The following PTPRS variants were observed in gnomAD, a reference collection of about 807,000 sequenced individuals.
PTPRS encodes protein tyrosine phosphatase receptor type S.
PTPRS carries 63 observed loss-of-function variants against 215.3 expected under a neutral mutation model. That is an observed-to-expected ratio of 0.29 (90% CI 0.24 to 0.36). PTPRS has a LOEUF of 0.36. Among genes scored for constraint, PTPRS ranks in the 10% least tolerant of loss-of-function variants. The pLI, the probability that PTPRS is intolerant of heterozygous loss-of-function variation, is 1.00. For synonymous variants in PTPRS, 1,404 were observed against 1,191.4 expected (o/e 1.18, Z -3.68); for missense variants, 2,258 against 2,825.8 (o/e 0.80, Z 4.56).
intron 13 of PTPRS, among the ~76,000 whole-genome samples, chr19:5,233,977 A>AAAAAAAAAAAAAAAC (rs2038800597): frequency 7.6e-6 from 1 of 132,396 alleles, no homozygotes; most frequent in East Asian, 3.8e-4. Context: ...AAAAAAAAAA[A>AAAAAAAAAAAAAAAC]TCTATATGTC....
intron 12 of PTPRS, among the ~76,000 whole-genome samples, chr19:5,239,890 C>T (rs1268832636): frequency 6.6e-6 from 1 of 151,902 alleles, no homozygotes; most frequent in East Asian, 1.9e-4. Context: ...GGAGAGTGAG[C>T]GTCAGAGGCA....
intron 2 of PTPRS, among the ~76,000 whole-genome samples, chr19:5,276,901 G>A (rs534358562): frequency 3.3e-5 from 5 of 152,240 alleles, no homozygotes; most frequent in Non-Finnish European, 4.4e-5. Context: ...ACAGGCTACA[G>A]TATCTGTGGA....
At chr19:5,221,369 T>C in intron 19 of PTPRS, 116 bp from the exon 20 acceptor site, 1 of 1,375,644 alleles carries the variant, frequency 7.3e-7, no homozygotes, top group Non-Finnish European at 9.7e-7. Context: ...AATCCTGCCC[T>C]AGGCAGAAAT....
At chr19:5,289,159 A>AG in intron 1 of PTPRS, among the ~76,000 whole-genome samples, 1 of 152,140 alleles carries the variant, frequency 6.6e-6, no homozygotes, top group Non-Finnish European at 1.5e-5. Flanking sequence ...TGATGGGGAT[A>AG]GGACCCTGCA....
chr19:5,251,308 C>T (rs962214921), intron 9 of PTPRS, among the ~76,000 whole-genome samples: 47 of 152,094 alleles, frequency 3.1e-4, no homozygotes, highest in Non-Finnish European at 5.1e-4. Flanking sequence ...CAGCTCCCTC[C>T]GCCACTGAGG....
At chr19:5,222,668 C>T (rs1201349892) in intron 18 of PTPRS, 21 bp downstream of exon 18, 2 of 1,535,268 alleles carry the variant, frequency 1.3e-6, no homozygotes. Context: ...GGCTCTGGTG[C>T]AGGGGTCGCC....
intron 1 of PTPRS, among the ~76,000 whole-genome samples, chr19:5,335,034 C>T (rs911793276): frequency 5.9e-5 from 9 of 152,154 alleles, no homozygotes; most frequent in African/African-American, 1.9e-4. Flanking sequence ...CACACACAGA[C>T]GCGCCAACCT....
chr19:5,335,883 G>A (rs879377320), intron 1 of PTPRS, among the ~76,000 whole-genome samples: 3 of 152,026 alleles, frequency 2.0e-5, no homozygotes, highest in Non-Finnish European at 4.4e-5. Context: ...TCTGCGGGGC[G>A]CAGAGGGTGC....
At chr19:5,264,367 T>C (rs914540967) in intron 5 of PTPRS, among the ~76,000 whole-genome samples, 4 of 152,168 alleles carry the variant, frequency 2.6e-5, no homozygotes, top group Non-Finnish European at 5.9e-5. Flanking sequence ...TAGCTCCCTA[T>C]TACATACCCA....
intron 35 of PTPRS, among the ~76,000 whole-genome samples, chr19:5,209,690 G>C (rs1311984092): frequency 6.6e-6 from 1 of 151,984 alleles, no homozygotes; most frequent in Admixed American, 6.6e-5. Flanking sequence ...CACTGATAAA[G>C]CATCACCCTT....
At chr19:5,318,955 T>C (rs1850502609) in intron 1 of PTPRS, among the ~76,000 whole-genome samples, 2 of 152,148 alleles carry the variant, frequency 1.3e-5, no homozygotes, top group Admixed American at 1.3e-4. Context: ...AGACAGTGAG[T>C]CCCTGGAGGG....
chr19:5,225,763 G>A lies in PTPRS; in HGVS notation c.2458C>T (p.Arg820Cys), dbSNP rs1023625190. 8 of 1,613,928 alleles carry A rather than the reference G, an allele frequency of 5.0e-6. No homozygotes were observed. Among genetic ancestry groups the A allele is most frequent in the Non-Finnish European group, 5.1e-6 (6 of 1,180,000 alleles). The change falls in exon 17 of 38, where the codon CGC becomes TGC. Residue 820 changes from arginine to cysteine, a missense_variant. Around this residue, in one of 6 missense-constraint regions of PTPRS, gnomAD observed 371 missense variants for 446.7 expected, o/e 0.83. Transcript: ENST00000262963. ...GTCACAACCACCTTGGGTTTGCTGC[G>A]AGCGCCATCGCCCTTCATGGTGTAG... Reference protein sequence around the residue: ...AAYTMKGDGARSKPKVVVTKG... With the variant: ...AAYTMKGDGACSKPKVVVTKG...
chr19:5,258,269 A>G, intron 7 of PTPRS, 142 bp from the exon 8 acceptor site: 1 of 680,704 alleles, frequency 1.5e-6, no homozygotes, highest in Non-Finnish European at 2.5e-6. Context: ...GAAAACCTGG[A>G]AGCCCTAGCT....
intron 7 of PTPRS, among the ~76,000 whole-genome samples, chr19:5,258,511 C>T (rs879601619): frequency 1.2e-4 from 18 of 152,166 alleles, no homozygotes; most frequent in Non-Finnish European, 2.1e-4. Flanking sequence ...CAACTCATAA[C>T]CATCATTTGA....
At chr19:5,211,938 C>CCACAGCAGCCTCCACCCCGCT in intron 32 of PTPRS, 27 bp downstream of exon 32, 1 of 1,560,950 alleles carries the variant, frequency 6.4e-7, no homozygotes, top group South Asian at 1.2e-5. Flanking sequence ...CCCACCCCGC[C>CCACAGCAGCCTCCACCCCGCT]CACAGCAGCC....
At chr19:5,272,396 G>T (rs1392582502) in intron 4 of PTPRS, among the ~76,000 whole-genome samples, 1 of 151,744 alleles carries the variant, frequency 6.6e-6, no homozygotes, top group African/African-American at 2.4e-5. Context: ...TCAGGAGTTT[G>T]AGACCACCCT....
At chr19:5,274,156 G>C in intron 3 of PTPRS, 43 bp downstream of exon 3, 2 of 1,583,258 alleles carry the variant, frequency 1.3e-6, no homozygotes, top group Non-Finnish European at 1.7e-6. Flanking sequence ...CCCTGCCTTG[G>C]GGGAGCATTG....
At position 5,243,890 on chromosome 19, in the gene PTPRS, C is replaced by G; in HGVS notation, c.1570+11G>C. 1 of 1,478,742 alleles carries G rather than the reference C, an allele frequency of 6.8e-7. No individual in the cohort carries two copies. The highest frequency in any genetic ancestry group is 8.9e-7 in the Non-Finnish European group (1 of 1,118,274). The allele number at this position is 1,478,742 out of a possible 1,614,324, so 91.6% of individuals were successfully genotyped here. Reference sequence around the variant, plus strand: ...GCCGGGGCCCCGAGTCCTGCCGACCCCACGCCTCACCTCCCTGCTGCGTCT... The same window carrying G: ...GCCGGGGCCCCGAGTCCTGCCGACCGCACGCCTCACCTCCCTGCTGCGTCT... On this transcript the variant is annotated intron_variant, in intron 11 of 37. Transcript: ENST00000262963.
chr19:5,282,840 C>T (rs970631141), intron 2 of PTPRS, among the ~76,000 whole-genome samples: 2 of 151,560 alleles, frequency 1.3e-5, no homozygotes. Flanking sequence ...GGTCACACGG[C>T]GTGTGATGGG....
Sources: gnomAD v4.1 joint callset for allele counts (sites outside exome capture counted in the v4.1 genomes callset) on GRCh38, gnomAD v4.1.1 for gene constraint, gnomAD v4.1.1 regional missense constraint, MANE v1.5 for transcripts, NCBI Gene and HGNC (gene_info 2026-07-23, HGNC 2026-07-21) for gene names.